Variants in GRIN2B observed in about 807,000 individuals in gnomAD.
GRIN2B encodes glutamate receptor ionotropic, NMDA 2B.
GRIN2B carries 5 observed loss-of-function variants against 114.5 expected under a neutral mutation model. The ratio of observed to expected loss-of-function variants is 0.04; its 90% CI spans 0.02 to 0.09. The LOEUF is 0.09. Among genes scored for constraint, GRIN2B ranks in the 10% least tolerant of loss-of-function variants. GRIN2B has a pLI of 1.00. For synonymous variants in GRIN2B, 787 were observed against 745.1 expected, an observed-to-expected ratio of 1.06 and a Z score of -0.92; for missense variants, 1,108 against 1,943.5, an observed-to-expected ratio of 0.57 and a Z score of 8.08.
intron 8 of GRIN2B, 43 bp from the exon 9 acceptor site, chr12:13,611,893 G>A: frequency 6.2e-7 from 1 of 1,603,630 alleles, no homozygotes; most frequent in Non-Finnish European, 8.5e-7. Flanking sequence ...AGAACAGAGA[G>A]CAAAAGAATT....
chr12:13,855,572 A>T (rs7297313), intron 3 of GRIN2B, among the ~76,000 whole-genome samples: 16 of 151,948 alleles, frequency 1.1e-4, no homozygotes, highest in African/African-American at 3.9e-4. Flanking sequence ...TGCCTCTTCC[A>T]GTTTCTGGCG....
At chr12:13,752,805 C>T (rs572684735) in intron 4 of GRIN2B, among the ~76,000 whole-genome samples, 14 of 152,308 alleles carry the variant, frequency 9.2e-5, no homozygotes, top group African/African-American at 2.6e-4. Flanking sequence ...ACTACAGATC[C>T]GCATAACCTG....
At chr12:13,852,086 G>A (rs1865575072) in intron 3 of GRIN2B, among the ~76,000 whole-genome samples, 1 of 152,196 alleles carries the variant, frequency 6.6e-6, no homozygotes, top group African/African-American at 2.4e-5. Context: ...GGCAACAGAA[G>A]GCACCCAAGA....
intron 4 of GRIN2B, among the ~76,000 whole-genome samples, chr12:13,695,068 C>T (rs1950248601): frequency 6.6e-6 from 1 of 152,084 alleles, no homozygotes; most frequent in Non-Finnish European, 1.5e-5. Flanking sequence ...TGGAAAGCTG[C>T]AAAGGGATCT....
intron 5 of GRIN2B, among the ~76,000 whole-genome samples, chr12:13,654,460 T>C (rs1343236393): frequency 3.9e-5 from 6 of 152,202 alleles, no homozygotes; most frequent in African/African-American, 9.6e-5. Flanking sequence ...GAAGCACATC[T>C]TTTAAGAAAC....
At chr12:13,952,571 C>A (rs1409088041) in intron 2 of GRIN2B, among the ~76,000 whole-genome samples, 1 of 152,104 alleles carries the variant, frequency 6.6e-6, no homozygotes, top group Non-Finnish European at 1.5e-5. Context: ...CCTATCTGTA[C>A]TTCCCCTCTC....
At chr12:13,962,822 C>CA (rs1385223908) in intron 2 of GRIN2B, among the ~76,000 whole-genome samples, 1 of 152,182 alleles carries the variant, frequency 6.6e-6, no homozygotes, top group East Asian at 1.9e-4. Flanking sequence ...GATTCTCCCC[C>CA]AGAAGAGTGC....
At chr12:13,897,140 T>C (rs1866367518) in intron 2 of GRIN2B, among the ~76,000 whole-genome samples, 1 of 152,146 alleles carries the variant, frequency 6.6e-6, no homozygotes, top group Non-Finnish European at 1.5e-5. Flanking sequence ...AACGCATCGA[T>C]AAATGGACAA....
At chr12:13,829,809 C>G (rs1288206087) in intron 3 of GRIN2B, among the ~76,000 whole-genome samples, 3 of 152,198 alleles carry the variant, frequency 2.0e-5, no homozygotes. Context: ...TTTATCAAAG[C>G]AGTTGCTCCA....
chr12:13,890,649 T>C (rs1472881798), intron 2 of GRIN2B, among the ~76,000 whole-genome samples: 3 of 152,182 alleles, frequency 2.0e-5, no homozygotes, highest in Non-Finnish European at 4.4e-5. Context: ...TCACGAAGGC[T>C]TGTTGACAGT....
At position 13,866,225 on chromosome 12, in the gene GRIN2B, C is replaced by T. The variant is rs1181238684; in HGVS notation, c.-17G>A. The T allele has an allele frequency of 1.2e-6, 2 of 1,602,940 alleles. No homozygotes were observed. The highest frequency in any genetic ancestry group is 3.3e-5 in the Admixed American group (2 of 59,994). ...GGGCTTCATCTTCAACTCGTCGACT[C>T]CCTGCAAACACAAAGAAAGAGCATG... is the stretch of plus-strand genomic sequence containing the variant. On this transcript the variant is annotated splice_region_variant and 5_prime_UTR_variant, in exon 3 of 14. Transcript: ENST00000609686.
chr12:13,768,815 A>G (rs1320916203), intron 3 of GRIN2B, among the ~76,000 whole-genome samples: 1 of 152,180 alleles, frequency 6.6e-6, no homozygotes, highest in African/African-American at 2.4e-5. Flanking sequence ...CGGGAGGATC[A>G]TGAAGTCAGG....
At chr12:13,920,592 T>G (rs989891260) in intron 2 of GRIN2B, among the ~76,000 whole-genome samples, 1 of 152,136 alleles carries the variant, frequency 6.6e-6, no homozygotes, top group Non-Finnish European at 1.5e-5. Flanking sequence ...AACAAGTTCC[T>G]GGTTAGATCC....
rs1468924180 is a variant in GRIN2B at position 13,729,337 on chromosome 12, C to A, written c.1010+23980G>T. On this transcript the variant is annotated intron_variant, in intron 4 of 13. Transcript: ENST00000609686. Reference sequence around the variant, plus strand: ...AGCTGCACCCAGCTGTTTGGGTCATCTTTAGTCATGTCCGAACTCATTCTC... The same window carrying A: ...AGCTGCACCCAGCTGTTTGGGTCATATTTAGTCATGTCCGAACTCATTCTC... Among the ~76,000 whole-genome samples, 3 of 152,124 alleles carry A rather than the reference C, an allele frequency of 2.0e-5. No individual in the cohort carries two copies. In the East Asian group the frequency reaches 5.8e-4, roughly 29 times the overall value.
At chr12:13,960,227 T>C (rs1867666301) in intron 2 of GRIN2B, among the ~76,000 whole-genome samples, 1 of 152,198 alleles carries the variant, frequency 6.6e-6, no homozygotes, top group Non-Finnish European at 1.5e-5. Flanking sequence ...GTAATATTGA[T>C]ATTTATTAGA....
intron 5 of GRIN2B, among the ~76,000 whole-genome samples, chr12:13,619,237 T>G (rs141877947): frequency 6.6e-6 from 1 of 152,188 alleles, no homozygotes; most frequent in East Asian, 1.9e-4. Context: ...AATGTAACAG[T>G]ATTTGTACTC....
At chr12:13,928,302 CAAAAAAA>C (rs745858482) in intron 2 of GRIN2B, among the ~76,000 whole-genome samples, 1 of 88,060 alleles carries the variant, frequency 1.1e-5, no homozygotes, top group Non-Finnish European at 2.3e-5. Context: ...GACTTCATCT[CAAAAAAA>C]AAAAAAAAAG....
intron 4 of GRIN2B, among the ~76,000 whole-genome samples, chr12:13,704,413 G>T (rs1950340530): frequency 6.6e-6 from 1 of 152,182 alleles, no homozygotes; most frequent in Non-Finnish European, 1.5e-5. Flanking sequence ...ATTTTACCCA[G>T]TATCTTTTAA....
chr12:13,621,465 A>G (rs1419096980), intron 5 of GRIN2B, among the ~76,000 whole-genome samples: 1 of 152,156 alleles, frequency 6.6e-6, no homozygotes. Flanking sequence ...AATTCCTTTG[A>G]GGTAACTAAA....
Sources: allele counts gnomAD v4.1 joint callset (sites outside exome capture counted in the v4.1 genomes callset), GRCh38; gene constraint gnomAD v4.1.1; transcripts MANE v1.5; gene names NCBI Gene and HGNC (gene_info 2026-07-23, HGNC 2026-07-21).